Variants in CD8B2 observed in about 807,000 individuals in gnomAD.
The protein encoded by CD8B2 is CD8B family member 2.
Under a neutral mutation model 23.7 loss-of-function variants are expected in CD8B2, and 11 were observed. That is an observed-to-expected ratio of 0.46 (90% CI 0.29 to 0.77). CD8B2 has a LOEUF of 0.77. CD8B2 is among the 30% of genes least tolerant of loss of function. The pLI is 0.09. For synonymous variants in CD8B2, 90 were observed against 109.3 expected, an observed-to-expected ratio of 0.82 and a Z score of 1.10; for missense variants, 197 against 270.5, an observed-to-expected ratio of 0.73 and a Z score of 1.91.
downstream of CD8B2, among the ~76,000 whole-genome samples, chr2:106,512,764 G>C (rs1043159434): frequency 3.9e-5 from 6 of 152,114 alleles, no homozygotes; most frequent in African/African-American, 1.4e-4. Flanking sequence ...TCTTGATGCT[G>C]GTTCAAATAT....
chr2:106,540,159 A>G, intron 5 of CD8B2, among the ~76,000 whole-genome samples: 1 of 152,252 alleles, frequency 6.6e-6, no homozygotes, highest in Non-Finnish European at 1.5e-5. Context: ...AGAAAGAATC[A>G]TGCAGAGAAT....
At chr2:106,512,242 A>AT (rs996863689), downstream of CD8B2, among the ~76,000 whole-genome samples, 3 of 151,874 alleles carry the variant, frequency 2.0e-5, no homozygotes, top group Admixed American at 6.6e-5. Flanking sequence ...CACCTGGCTA[A>AT]TTTTTTATAT....
At chr2:106,533,830 T>C (rs1680046735) in intron 5 of CD8B2, among the ~76,000 whole-genome samples, 1 of 152,168 alleles carries the variant, frequency 6.6e-6, no homozygotes, top group South Asian at 2.1e-4. Flanking sequence ...AGAAGGGATG[T>C]TCCCCAAAGG....
chr2:106,513,709 A>G (rs1679681086), downstream of CD8B2, among the ~76,000 whole-genome samples: 4 of 151,038 alleles, frequency 2.6e-5, no homozygotes, highest in Non-Finnish European at 5.9e-5. Context: ...GGAGGCCATG[A>G]CTCCCACCCC....
chr2:106,520,954 A>G (rs2104568358), intron 5 of CD8B2, among the ~76,000 whole-genome samples: 1 of 151,716 alleles, frequency 6.6e-6, no homozygotes, highest in East Asian at 2.0e-4. Flanking sequence ...TAATAGGCAA[A>G]AGAAAGAGAT....
intron 5 of CD8B2, among the ~76,000 whole-genome samples, chr2:106,539,131 A>G (rs1276932042): frequency 2.0e-5 from 3 of 152,158 alleles, no homozygotes; most frequent in Admixed American, 1.3e-4. Flanking sequence ...TGCCCCATGG[A>G]GTTGCTGTGT....
chr2:106,538,033 T>A (rs1461117499), intron 5 of CD8B2: 1 of 152,240 alleles, frequency 6.6e-6, no homozygotes, highest in Non-Finnish European at 1.5e-5. Flanking sequence ...GCTCAGTGAT[T>A]GCGGAGGCCT....
At position 106,507,013 on chromosome 2, in the gene CD8B2, G is replaced by A. The variant is rs1679521110; in HGVS notation, c.*73G>A. The A allele has an allele frequency of 3.3e-6, 5 of 1,529,044 alleles. No homozygotes were observed. Among genetic ancestry groups the A allele is most frequent in the Non-Finnish European group, 8.8e-7 (1 of 1,137,398 alleles). 94.7% of individuals were successfully genotyped at this position (1,529,044 alleles called of 1,614,324 possible). A position where few individuals can be genotyped will look rare whatever the true frequency, so the allele number is the denominator to read the frequency against. On this transcript the variant is annotated 3_prime_UTR_variant, in exon 6 of 6. Coordinates refer to ENST00000643224, the MANE Select transcript of CD8B2 (RefSeq NM_001349727.2). ...TAACGAGCACGATGTGGAAAAATGA[G>A]AGAAGGGACACATTCAACCCTGGAG...
At chr2:106,519,278 G>C (rs10204689) in intron 5 of CD8B2, among the ~76,000 whole-genome samples, 7,236 of 152,248 alleles carry the variant, frequency 0.048, 214 homozygotes, top group Middle Eastern at 0.12. Flanking sequence ...TGGCCACCTT[G>C]GGGGATAGTG....
In CD8B2 at chr2:106,496,271, C is replaced by T; in HGVS notation, c.493+9C>T. ...GCCAGAGACCCAGAAGGGTGAGTTC[C>T]CTATCCCTCTGCACCCTCAGAAACA... On this transcript the variant is annotated intron_variant, in intron 3 of 5. Transcript: ENST00000643224. 6 of 1,520,614 alleles carry T rather than the reference C, an allele frequency of 3.9e-6. No individual in the cohort carries two copies. The highest frequency in any genetic ancestry group is 5.3e-6 in the Non-Finnish European group (6 of 1,127,282). 94.2% of individuals were successfully genotyped at this position (1,520,614 alleles called of 1,614,324 possible).
At chr2:106,513,086 C>CA (rs1247979919), downstream of CD8B2, among the ~76,000 whole-genome samples, 14 of 152,136 alleles carry the variant, frequency 9.2e-5, no homozygotes, top group Middle Eastern at 3.4e-3. Flanking sequence ...TCCACTGCCC[C>CA]TCCCAGCACC....
At position 106,507,374 on chromosome 2, in the gene CD8B2, C is replaced by T; in HGVS notation, c.*434C>T. ...CTGGCTCCCTCTTGGTCTTCCCAGG[C>T]TGGGGCTGACCTTCCTCGCAGAGAG... On this transcript the variant is annotated 3_prime_UTR_variant, in exon 6 of 6. Coordinates refer to ENST00000643224, the MANE Select transcript of CD8B2 (RefSeq NM_001349727.2). 1.0e-6 allele frequency: 1 copy of T among 988,004 alleles called. No individual in the cohort carries two copies. Among genetic ancestry groups the T allele is most frequent in the Non-Finnish European group, 1.2e-6 (1 of 831,528 alleles). The allele number at this position is 988,004 out of a possible 1,614,324, so 61.2% of individuals were successfully genotyped here. A position where few individuals can be genotyped will look rare whatever the true frequency, so the allele number is the denominator to read the frequency against.
rs1399609499 is a variant in CD8B2 at position 106,510,723 on chromosome 2, C to G, written c.*3783C>G. 6.6e-6 allele frequency: 1 copy of G among 151,872 alleles called. No individual in the cohort carries two copies. The highest frequency in any genetic ancestry group is 1.5e-5 in the Non-Finnish European group (1 of 67,984). 9.4% of individuals were successfully genotyped at this position (151,872 alleles called of 1,614,324 possible). On this transcript the variant is annotated 3_prime_UTR_variant, in exon 6 of 6. Coordinates refer to ENST00000643224, the MANE Select transcript of CD8B2 (RefSeq NM_001349727.2). The stretch of plus-strand genomic sequence containing the variant: ...CTCCAGCCTGGGCAACACAGACAGA[C>G]CTTGTCTCAAAAATAAATTTTTTCT...
chr2:106,508,921 G>T lies in CD8B2; in HGVS notation c.*1981G>T, dbSNP rs1679566414. 1 of 68,678 alleles carries T rather than the reference G, an allele frequency of 1.5e-5. No individual in the cohort carries two copies. Among genetic ancestry groups the T allele is most frequent in the Non-Finnish European group, 3.3e-5 (1 of 30,604 alleles). 4.3% of individuals were successfully genotyped at this position (68,678 alleles called of 1,614,324 possible). ...TTTTTCCTTTTGGTGTACGTTAATT[G>T]GCCTTAGATGCCCTGCCCCCAGACC... On this transcript the variant is annotated 3_prime_UTR_variant, in exon 6 of 6. Coordinates refer to ENST00000643224, the MANE Select transcript of CD8B2 (RefSeq NM_001349727.2).
intron 5 of CD8B2, among the ~76,000 whole-genome samples, chr2:106,539,044 T>C (rs1680133733): frequency 6.6e-6 from 1 of 152,242 alleles, no homozygotes; most frequent in Non-Finnish European, 1.5e-5. Context: ...CTTCTGACTC[T>C]ACCTGGTCAC....
In CD8B2 at chr2:106,491,918, C is replaced by T. The variant is rs558023372; in HGVS notation, c.403+685C>T. Among the ~76,000 whole-genome samples the T allele has an allele frequency of 4.6e-5, 7 of 152,244 alleles. No individual in the cohort carries two copies. The East Asian group carries it at 5.8e-4, about 13-fold the overall frequency. On this transcript the variant is annotated intron_variant, in intron 2 of 5. Coordinates refer to ENST00000643224, the MANE Select transcript of CD8B2 (RefSeq NM_001349727.2). ...GCCACATCAGGGACATTCGAAGCTA[C>T]GGCTGGATTGGGCTGAGCCCCTTGG...
At chr2:106,515,857 C>G (rs2104565742), downstream of CD8B2, among the ~76,000 whole-genome samples, 1 of 151,620 alleles carries the variant, frequency 6.6e-6, no homozygotes, top group Non-Finnish European at 1.5e-5. Flanking sequence ...GAGTCTTGCT[C>G]TGTTGCCCAG....
At chr2:106,523,313 C>T (rs1195265817) in intron 5 of CD8B2, among the ~76,000 whole-genome samples, 1 of 152,072 alleles carries the variant, frequency 6.6e-6, no homozygotes, top group African/African-American at 2.4e-5. Flanking sequence ...CTCTTTGAGC[C>T]CCAAGTTTCT....
intron 5 of CD8B2, among the ~76,000 whole-genome samples, chr2:106,533,426 C>T (rs1680020566): frequency 6.6e-6 from 1 of 152,136 alleles, no homozygotes; most frequent in African/African-American, 2.4e-5. Flanking sequence ...TGTGTGCAGT[C>T]CCTTTTGTAA....
Sources: gnomAD v4.1 joint callset for allele counts (sites outside exome capture counted in the v4.1 genomes callset) on GRCh38, gnomAD v4.1.1 for gene constraint, MANE v1.5 for transcripts, NCBI Gene and HGNC (gene_info 2026-07-23, HGNC 2026-07-21) for gene names.